The following GRIK4 variants were observed in gnomAD, a reference collection of about 807,000 sequenced individuals.
GRIK4 encodes the protein glutamate receptor ionotropic, kainate 4.
GRIK4 carries 40 observed loss-of-function variants against 104.9 expected under a neutral mutation model. The observed-to-expected ratio is 0.38, with a 90% CI of 0.30 to 0.50. GRIK4 has a LOEUF of 0.50. Among genes scored for constraint, GRIK4 ranks in the 20% least tolerant of loss-of-function variants. The probability of loss-of-function intolerance (pLI) is 0.93; values close to 1 mark genes in which losing one functional copy is unlikely to be tolerated. For missense variants in GRIK4, 1,047 were observed against 1,308.1 expected (o/e 0.80, Z 3.08); for synonymous variants, 485 against 524.9 (o/e 0.92, Z 1.04).
At chr11:120,675,853 A>G (rs904492977) in intron 3 of GRIK4, among the ~76,000 whole-genome samples, 10 of 152,230 alleles carry the variant, frequency 6.6e-5, no homozygotes, top group Admixed American at 1.3e-4. Context: ...CGATAGTTCT[A>G]CCATAATTAT....
chr11:120,946,959 A>C (rs1943874831), intron 14 of GRIK4, among the ~76,000 whole-genome samples: 1 of 152,198 alleles, frequency 6.6e-6, no homozygotes, highest in Admixed American at 6.5e-5. Context: ...TCCCTGGAAA[A>C]TGTGAGCTTA....
rs141227328 is a variant in GRIK4, at chr11:120,952,185, C to T, written c.1591-670C>T. Among the ~76,000 whole-genome samples, 300 of 152,318 alleles carry T rather than the reference C, an allele frequency of 2.0e-3. 1 individual carries two copies. The highest frequency in any genetic ancestry group is 6.3e-3 in the African/African-American group (264 of 41,576). On this transcript the variant is annotated intron_variant, in intron 14 of 20. Coordinates refer to ENST00000527524, the MANE Select transcript of GRIK4 (RefSeq NM_014619.5). This position sits in a 1 kb window ranked among gnomAD's most constrained non-coding sequence, Gnocchi z 5.2. ...CCTGGCCTTGCAACGTGTTTTCCCACGGTGCAGTGGAGTGAGCCCTGGGCT... is the reference window on the plus strand; with the variant it reads ...CCTGGCCTTGCAACGTGTTTTCCCATGGTGCAGTGGAGTGAGCCCTGGGCT...
intron 13 of GRIK4, among the ~76,000 whole-genome samples, chr11:120,932,903 G>T (rs774686740): frequency 2.6e-5 from 4 of 152,204 alleles, no homozygotes; most frequent in Non-Finnish European, 4.4e-5. Flanking sequence ...GGTCAGAGAA[G>T]AAAGATCTGG....
intron 13 of GRIK4, among the ~76,000 whole-genome samples, chr11:120,937,701 G>A (rs763295146): frequency 5.1e-4 from 78 of 152,206 alleles, no homozygotes; most frequent in African/African-American, 1.5e-3. Flanking sequence ...CTGTCCAGAC[G>A]TGAGGCACAA....
intron 1 of GRIK4, among the ~76,000 whole-genome samples, chr11:120,618,344 A>G (rs1949141659): frequency 6.6e-6 from 1 of 152,228 alleles, no homozygotes; most frequent in South Asian, 2.1e-4. Flanking sequence ...TGTATGGGCA[A>G]ATAAATGACT....
chr11:120,855,285 A>T (rs1190437114), intron 8 of GRIK4, among the ~76,000 whole-genome samples: 1 of 152,084 alleles, frequency 6.6e-6, no homozygotes, highest in Non-Finnish European at 1.5e-5. Context: ...TTGACTTCTA[A>T]TTCCTTCCCA....
chr11:120,829,400 C>G (rs904240818), intron 6 of GRIK4, among the ~76,000 whole-genome samples: 3 of 152,122 alleles, frequency 2.0e-5, no homozygotes, highest in African/African-American at 7.2e-5. Flanking sequence ...TAAATTCAGG[C>G]TGCCAAACAA....
chr11:120,627,206 C>T (rs1161669977), intron 1 of GRIK4, among the ~76,000 whole-genome samples: 2 of 152,208 alleles, frequency 1.3e-5, no homozygotes, highest in African/African-American at 4.8e-5. Flanking sequence ...TGATGATAAA[C>T]ATTATGGAGC....
At chr11:120,733,631 C>T (rs184115893) in intron 3 of GRIK4, among the ~76,000 whole-genome samples, 1 of 151,984 alleles carries the variant, frequency 6.6e-6, no homozygotes, top group East Asian at 1.9e-4. Context: ...TTAACTTTGA[C>T]CCCCTGCTTT....
chr11:120,947,034 T>C (rs1436207147), intron 14 of GRIK4, among the ~76,000 whole-genome samples: 1 of 152,222 alleles, frequency 6.6e-6, no homozygotes, highest in Non-Finnish European at 1.5e-5. Flanking sequence ...TTATACTCTC[T>C]TCTTTTTCTC....
chr11:120,534,758 C>T (rs1274386294), intron 1 of GRIK4, among the ~76,000 whole-genome samples: 2 of 152,124 alleles, frequency 1.3e-5, no homozygotes, highest in East Asian at 1.9e-4. Context: ...CCAGAGGGGA[C>T]ATGGGGACAG....
At position 120,833,887 on chromosome 11, in the gene GRIK4, C is replaced by A. The variant is rs190417263; in HGVS notation, c.690+1857C>A. On this transcript the variant is annotated intron_variant, in intron 7 of 20. Coordinates refer to ENST00000527524, the MANE Select transcript of GRIK4 (RefSeq NM_014619.5). ...CTTAATTCTATGCCGTGCATTTTCC[C>A]CATGTCATTAAACATTTTTCTAGAA... Among the ~76,000 whole-genome samples, 439 of 152,288 alleles carry A rather than the reference C, an allele frequency of 2.9e-3. 2 individuals are homozygous for A. The highest frequency in any genetic ancestry group is 5.9e-3 in the Admixed American group (90 of 15,304).
chr11:120,960,442 G>T (rs754748132), intron 16 of GRIK4, among the ~76,000 whole-genome samples: 3 of 152,192 alleles, frequency 2.0e-5, no homozygotes, highest in Non-Finnish European at 4.4e-5. Context: ...TGAGCTCTAG[G>T]GATTAAGTGA....
At chr11:120,561,687 C>T (rs1274824865) in intron 1 of GRIK4, among the ~76,000 whole-genome samples, 1 of 152,218 alleles carries the variant, frequency 6.6e-6, no homozygotes, top group East Asian at 1.9e-4. Context: ...TGGGTAAGGC[C>T]TCTTTACTAC....
At chr11:120,741,041 C>G (rs1351090370) in intron 3 of GRIK4, among the ~76,000 whole-genome samples, 1 of 152,114 alleles carries the variant, frequency 6.6e-6, no homozygotes, top group Non-Finnish European at 1.5e-5. Flanking sequence ...GGGCAAGTTT[C>G]TGGCACCTGC....
chr11:120,930,530 A>C (rs1310233646), intron 13 of GRIK4, among the ~76,000 whole-genome samples: 1 of 152,210 alleles, frequency 6.6e-6, no homozygotes, highest in African/African-American at 2.4e-5. Context: ...CATAGGTGGC[A>C]GAGTTGGAGT....
intron 14 of GRIK4, among the ~76,000 whole-genome samples, chr11:120,948,018 C>T (rs1482258355): frequency 1.3e-5 from 2 of 152,134 alleles, no homozygotes; most frequent in African/African-American, 4.8e-5. Context: ...CTTTTTTCCT[C>T]TTGGAGTCAG....
intron 6 of GRIK4, among the ~76,000 whole-genome samples, chr11:120,826,843 T>A (rs1235372013): frequency 6.6e-6 from 1 of 152,204 alleles, no homozygotes; most frequent in Non-Finnish European, 1.5e-5. Context: ...CTTGAACTTG[T>A]TCTGTGCCCC....
intron 3 of GRIK4, among the ~76,000 whole-genome samples, chr11:120,733,804 C>A (rs1000724903): frequency 8.7e-5 from 13 of 149,268 alleles, no homozygotes; most frequent in African/African-American, 2.7e-4. Context: ...GTGGCACGAT[C>A]TTGGCTCACT....
Sources: allele counts gnomAD v4.1 joint callset (sites outside exome capture counted in the v4.1 genomes callset), GRCh38; gene constraint gnomAD v4.1.1; non-coding constraint Gnocchi (gnomAD v3.1); transcripts MANE v1.5; gene names NCBI Gene and HGNC (gene_info 2026-07-23, HGNC 2026-07-21).